FAM171A1: variants seen among roughly 807,000 people sequenced by gnomAD.
FAM171A1 encodes the protein family with sequence similarity 171 member A1, also known as protein FAM171A1.
In FAM171A1, 23 loss-of-function variants were observed where a neutral mutation model predicts 74.9. The observed-to-expected ratio is 0.31, with a 90% confidence interval of 0.22 to 0.44. The LOEUF (loss-of-function observed/expected upper bound fraction) is 0.44. Ranked by LOEUF, FAM171A1 falls within the 20% of genes least tolerant of loss-of-function variation. The pLI is 1.00. For missense variants in FAM171A1, 1,162 were observed against 1,159.2 expected, an observed-to-expected ratio of 1.00 and a Z score of -0.03; for synonymous variants, 527 against 505.7, an observed-to-expected ratio of 1.04 and a Z score of -0.57.
intron 2 of FAM171A1, among the ~76,000 whole-genome samples, chr10:15,279,386 C>T (rs1834937285): frequency 6.6e-6 from 1 of 152,104 alleles, no homozygotes; most frequent in Non-Finnish European, 1.5e-5. Flanking sequence ...AGGACAGGGA[C>T]TAGGGATGCA....
chr10:15,293,109 TTG>T (rs1165549472), intron 1 of FAM171A1, among the ~76,000 whole-genome samples: 1 of 152,160 alleles, frequency 6.6e-6, no homozygotes, highest in African/African-American at 2.4e-5. Flanking sequence ...GACAGTTATT[TTG>T]TGTTTCTGTT....
chr10:15,323,692 C>T (rs1288732310), intron 1 of FAM171A1, among the ~76,000 whole-genome samples: 1 of 152,082 alleles, frequency 6.6e-6, no homozygotes, highest in Non-Finnish European at 1.5e-5. Context: ...AATGCATACA[C>T]TTCCACAATC....
At chr10:15,215,202 C>T (rs1564612482) in intron 7 of FAM171A1, among the ~76,000 whole-genome samples, 1 of 152,208 alleles carries the variant, frequency 6.6e-6, no homozygotes, top group Non-Finnish European at 1.5e-5. Context: ...TCAAACGTGA[C>T]TAAAATGCTT....
intron 1 of FAM171A1, among the ~76,000 whole-genome samples, chr10:15,313,714 G>A (rs1361054205): frequency 2.0e-5 from 3 of 152,126 alleles, no homozygotes; most frequent in African/African-American, 7.2e-5. Flanking sequence ...ACATCCCGAG[G>A]GTGAAGGAAA....
chr10:15,234,607 T>C (rs1834256523), intron 5 of FAM171A1, among the ~76,000 whole-genome samples: 2 of 151,972 alleles, frequency 1.3e-5, no homozygotes, highest in Admixed American at 1.3e-4. Context: ...AAAAGTAGCC[T>C]AGCGACCAGT....
rs182333982 is a variant in FAM171A1, at chr10:15,222,927, G to A, written c.755-1867C>T. Among the ~76,000 whole-genome samples the A allele has an allele frequency of 2.0e-3, 306 of 152,352 alleles. 2 individuals carry two copies. The highest frequency in any genetic ancestry group is 7.0e-3 in the African/African-American group (290 of 41,588). On this transcript the variant is annotated intron_variant, in intron 5 of 7. Coordinates refer to ENST00000378116, the MANE Select transcript of FAM171A1 (RefSeq NM_001010924.2). ...AGACTGTAAGCAAGGTTTTGCAAATGGGTATGAGGGCAGGGATGCCCGGTT... is the reference window on the plus strand; with the variant it reads ...AGACTGTAAGCAAGGTTTTGCAAATAGGTATGAGGGCAGGGATGCCCGGTT...
At chr10:15,281,118 C>T (rs1164363295) in intron 2 of FAM171A1, among the ~76,000 whole-genome samples, 1 of 152,168 alleles carries the variant, frequency 6.6e-6, no homozygotes, top group Admixed American at 6.6e-5. Context: ...TGTAGCACCT[C>T]TACCCTCTCT....
chr10:15,307,132 C>T (rs1225973608), intron 1 of FAM171A1, among the ~76,000 whole-genome samples: 1 of 152,170 alleles, frequency 6.6e-6, no homozygotes, highest in African/African-American at 2.4e-5. Context: ...CATCAGCCCA[C>T]CCGCAAGAGG....
At chr10:15,230,631 T>A (rs1834193124) in intron 5 of FAM171A1, among the ~76,000 whole-genome samples, 1 of 150,456 alleles carries the variant, frequency 6.6e-6, no homozygotes, top group South Asian at 2.1e-4. Flanking sequence ...GATTCTTAAA[T>A]TTAAGCAACT....
intron 1 of FAM171A1, among the ~76,000 whole-genome samples, chr10:15,330,400 A>T (rs59872073): frequency 0.1 from 15,664 of 152,082 alleles, 1,651 homozygotes; most frequent in African/African-American, 0.28. Flanking sequence ...AAACAAATGC[A>T]TTTCTTTGGG....
chr10:15,360,770 C>G (rs1004488193), intron 1 of FAM171A1, among the ~76,000 whole-genome samples: 2 of 152,228 alleles, frequency 1.3e-5, no homozygotes, highest in Non-Finnish European at 2.9e-5. Context: ...CAGATCAGCT[C>G]ATGATACAGT....
chr10:15,239,895 T>C (rs1834342300), intron 5 of FAM171A1, among the ~76,000 whole-genome samples: 1 of 152,232 alleles, frequency 6.6e-6, no homozygotes, highest in African/African-American at 2.4e-5. Context: ...CTGCTGAACA[T>C]ACTTAATCTG....
chr10:15,248,667 G>A lies in FAM171A1; in HGVS notation c.726C>T (p.Val242=), dbSNP rs755823908. ...TQSSLRHNAY[V]AAWRFDQKLG... is the part of the protein sequence containing the mutation. ...GCTTCTGGTCAAACCGCCACGCCGCGACATAGGCATTGTGCCTCAGGCTGC... is the reference window on the plus strand; with the variant it reads ...GCTTCTGGTCAAACCGCCACGCCGCAACATAGGCATTGTGCCTCAGGCTGC... Residue 242 remains valine (V), a synonymous_variant, in exon 5 of 8, where the codon GTC becomes GTT. Transcript: ENST00000378116. The A allele has an allele frequency of 2.0e-5, 33 of 1,610,518 alleles. No homozygotes were observed. The highest frequency in any genetic ancestry group is 2.5e-5 in the Non-Finnish European group (30 of 1,178,472).
At chr10:15,224,808 C>T (rs1834084415) in intron 5 of FAM171A1, among the ~76,000 whole-genome samples, 1 of 152,118 alleles carries the variant, frequency 6.6e-6, no homozygotes, top group Non-Finnish European at 1.5e-5. Context: ...TCAGGTATGT[C>T]TTTATCAGCA....
At chr10:15,359,057 A>G (rs542735731) in intron 1 of FAM171A1, among the ~76,000 whole-genome samples, 10 of 152,222 alleles carry the variant, frequency 6.6e-5, no homozygotes, top group African/African-American at 9.6e-5. Context: ...AGATTAAATA[A>G]GATGATCTGT....
chr10:15,361,519 CA>C (rs1392897015), intron 1 of FAM171A1, among the ~76,000 whole-genome samples: 1 of 152,018 alleles, frequency 6.6e-6, no homozygotes, highest in South Asian at 2.1e-4. Flanking sequence ...CCTGTCTCTA[CA>C]AAAAATACAA....
intron 5 of FAM171A1, among the ~76,000 whole-genome samples, chr10:15,243,115 G>A (rs750784124): frequency 2.0e-5 from 3 of 152,198 alleles, no homozygotes; most frequent in Non-Finnish European, 4.4e-5. Context: ...AGGCTCAGAA[G>A]GGAGAATCCC....
At chr10:15,316,102 A>G (rs1172212680) in intron 1 of FAM171A1, among the ~76,000 whole-genome samples, 3 of 152,230 alleles carry the variant, frequency 2.0e-5, no homozygotes, top group Non-Finnish European at 4.4e-5. Flanking sequence ...CACGTTACGG[A>G]TAACTTACCC....
chr10:15,331,545 G>T (rs1338204350), intron 1 of FAM171A1, among the ~76,000 whole-genome samples: 2 of 151,808 alleles, frequency 1.3e-5, no homozygotes, highest in Admixed American at 6.6e-5. Flanking sequence ...CAGGCATTCT[G>T]GACAATCTAA....
Sources: gnomAD v4.1 joint callset for allele counts (sites outside exome capture counted in the v4.1 genomes callset) on GRCh38, gnomAD v4.1.1 for gene constraint, MANE v1.5 for transcripts, NCBI Gene and HGNC (gene_info 2026-07-23, HGNC 2026-07-21) for gene names.